The following ARID5B variants were observed in gnomAD, a reference collection of about 807,000 sequenced individuals.
The protein encoded by ARID5B is AT-rich interactive domain-containing protein 5B.
ARID5B carries 13 observed loss-of-function variants against 97.2 expected under a neutral mutation model. That is an observed-to-expected ratio of 0.13 (90% confidence interval 0.09 to 0.21). The LOEUF (loss-of-function observed/expected upper bound fraction) is 0.21. ARID5B is among the 10% of genes least tolerant of loss of function. ARID5B has a pLI of 1.00. For missense variants in ARID5B, 1,210 were observed against 1,465.3 expected, an observed-to-expected ratio of 0.83 and a Z score of 2.84; for synonymous variants, 556 against 570.3, an observed-to-expected ratio of 0.97 and a Z score of 0.36.
intron 3 of ARID5B, among the ~76,000 whole-genome samples, chr10:61,991,041 T>TATAC (rs1554842858): frequency 9.4e-4 from 137 of 145,146 alleles, no homozygotes; most frequent in African/African-American, 3.3e-3. Flanking sequence ...ATTTATCCTG[T>TATAC]ACACACACAC....
intron 2 of ARID5B, among the ~76,000 whole-genome samples, chr10:61,917,428 G>A (rs1188127857): frequency 6.6e-6 from 1 of 152,128 alleles, no homozygotes; most frequent in African/African-American, 2.4e-5. Context: ...CTGGGTTCAA[G>A]TGATTCTCTC....
intron 5 of ARID5B, among the ~76,000 whole-genome samples, chr10:62,051,569 C>T (rs1839790915): frequency 6.6e-6 from 1 of 152,296 alleles, no homozygotes; most frequent in East Asian, 1.9e-4. Context: ...TCTCTGTTAA[C>T]ATAGAATGAA....
In ARID5B at chr10:62,094,416, C is replaced by G. The variant is rs769457118; in HGVS notation, c.*1386C>G. 14 of 230,372 alleles carry G rather than the reference C, an allele frequency of 6.1e-5. No individual in the cohort carries two copies. In the South Asian group the frequency reaches 1.3e-3, roughly 21 times the overall value. The allele number at this position is 230,372 out of a possible 1,614,324, so 14.3% of individuals were successfully genotyped here. On this transcript the variant is annotated 3_prime_UTR_variant, in exon 10 of 10. Transcript: ENST00000279873. ...GGGGATAACTGACATACTGGATTAG[C>G]CTTTTCAAAAGAAAAGTCATCCTAT...
chr10:61,980,351 C>T (rs559398170), intron 3 of ARID5B, among the ~76,000 whole-genome samples: 83 of 152,284 alleles, frequency 5.5e-4, no homozygotes, highest in African/African-American at 1.9e-3. Flanking sequence ...AATCCAGTGC[C>T]TGTTTCATAT....
intron 3 of ARID5B, among the ~76,000 whole-genome samples, chr10:61,989,759 T>C (rs972029145): frequency 4.6e-5 from 7 of 152,222 alleles, no homozygotes; most frequent in Non-Finnish European, 8.8e-5. Flanking sequence ...ATTTAGAGCA[T>C]CATAACACAG....
At chr10:62,041,783 C>T (rs1839641031) in intron 4 of ARID5B, among the ~76,000 whole-genome samples, 1 of 152,196 alleles carries the variant, frequency 6.6e-6, no homozygotes, top group Non-Finnish European at 1.5e-5. Context: ...TATCTCATTT[C>T]CAAACCTGGA....
intron 4 of ARID5B, chr10:62,049,191 T>G: frequency 7.8e-7 from 1 of 1,288,798 alleles, no homozygotes; most frequent in East Asian, 3.3e-5. Flanking sequence ...ACCATCTCCG[T>G]GCGGGGAGGT....
At chr10:61,958,849 T>C (rs1259025843) in intron 3 of ARID5B, among the ~76,000 whole-genome samples, 3 of 152,236 alleles carry the variant, frequency 2.0e-5, no homozygotes, top group Non-Finnish European at 4.4e-5. Context: ...GTATATTCCT[T>C]GTCAAAATTC....
rs80267433 is a variant in ARID5B at position 61,979,528 on chromosome 10, C to T, written c.503-20563C>T. On this transcript the variant is annotated intron_variant, in intron 3 of 9. Transcript: ENST00000279873. ...AACACTTCTCCCCATGACTCTTCAA[C>T]TGGTTCCCAATTGGAGGTCTTTTCT... 8.1e-4 allele frequency among the ~76,000 whole-genome samples: 123 copies of T among 152,306 alleles called. 2 individuals are homozygous for T. In the East Asian group the frequency reaches 0.023, roughly 29 times the overall value.
At chr10:62,081,598 C>A (rs1250034554) in intron 8 of ARID5B, among the ~76,000 whole-genome samples, 1 of 152,192 alleles carries the variant, frequency 6.6e-6, no homozygotes, top group African/African-American at 2.4e-5. Flanking sequence ...GTGATACACA[C>A]TTCTCTAATG....
chr10:61,969,592 T>C (rs762498332), intron 3 of ARID5B, among the ~76,000 whole-genome samples: 2 of 152,174 alleles, frequency 1.3e-5, no homozygotes, highest in African/African-American at 4.8e-5. Flanking sequence ...ATCAGCCTTC[T>C]TGACCCTTCG....
At chr10:61,901,852 T>C in intron 1 of ARID5B, 122 bp downstream of exon 1, 1 of 720,228 alleles carries the variant, frequency 1.4e-6, no homozygotes. Context: ...ACTTTTACCC[T>C]CTGCATCCCC....
chr10:62,093,430 G>A lies in ARID5B; in HGVS notation c.*400G>A, dbSNP rs1335580099. ...GGCAAGGAAGACTGGCAAACAGATGGCAAGGGATGCCCCTCTTTTTCATAA... is the reference window on the plus strand; with the variant it reads ...GGCAAGGAAGACTGGCAAACAGATGACAAGGGATGCCCCTCTTTTTCATAA... On this transcript the variant is annotated 3_prime_UTR_variant, in exon 10 of 10. Transcript: ENST00000279873. 1.6e-5 allele frequency: 4 copies of A among 256,002 alleles called. No individual in the cohort carries two copies. The highest frequency in any genetic ancestry group is 3.0e-5 in the Non-Finnish European group (4 of 133,320). The allele number at this position is 256,002 out of a possible 1,614,324, so 15.9% of individuals were successfully genotyped here.
At chr10:62,048,954 A>G (rs1223512051) in intron 4 of ARID5B, among the ~76,000 whole-genome samples, 1 of 152,184 alleles carries the variant, frequency 6.6e-6, no homozygotes, top group Non-Finnish European at 1.5e-5. Flanking sequence ...CTCAGCTGTT[A>G]TTTTGATAAG....
chr10:61,972,240 T>A (rs1309951549), intron 3 of ARID5B, among the ~76,000 whole-genome samples: 1 of 149,940 alleles, frequency 6.7e-6, no homozygotes, highest in East Asian at 1.9e-4. Flanking sequence ...TTTTTTTTTT[T>A]TTTTGAGACA....
chr10:62,042,408 T>G (rs1839649402), intron 4 of ARID5B, among the ~76,000 whole-genome samples: 1 of 151,876 alleles, frequency 6.6e-6, no homozygotes, highest in Admixed American at 6.6e-5. Flanking sequence ...AAAGTGGGAG[T>G]TTGAGCCTTG....
chr10:62,083,618 A>G (rs1051190206), intron 8 of ARID5B, among the ~76,000 whole-genome samples: 1 of 152,210 alleles, frequency 6.6e-6, no homozygotes, highest in Non-Finnish European at 1.5e-5. Context: ...GGTACCAGCA[A>G]ATTGCTATCA....
At chr10:62,089,492 T>G (rs1840337990) in intron 9 of ARID5B, among the ~76,000 whole-genome samples, 1 of 150,160 alleles carries the variant, frequency 6.7e-6, no homozygotes, top group Non-Finnish European at 1.5e-5. Context: ...CCTTCCTTTC[T>G]TCCTTCCTTC....
intron 3 of ARID5B, among the ~76,000 whole-genome samples, chr10:61,953,451 T>G (rs1838350220): frequency 6.7e-6 from 1 of 149,218 alleles, no homozygotes; most frequent in Non-Finnish European, 1.5e-5. Flanking sequence ...GTTTCTTTTC[T>G]TTTTTTTTTA....
Sources: gnomAD v4.1 joint callset for allele counts (sites outside exome capture counted in the v4.1 genomes callset) on GRCh38, gnomAD v4.1.1 for gene constraint, MANE v1.5 for transcripts, NCBI Gene and HGNC (gene_info 2026-07-23, HGNC 2026-07-21) for gene names.